Variants in SV2B observed in about 807,000 individuals in gnomAD.
SV2B encodes the protein synaptic vesicle glycoprotein 2B.
A neutral mutation model predicts 73.9 loss-of-function variants in SV2B; 41 were observed. The observed-to-expected ratio is 0.56, with a 90% confidence interval of 0.43 to 0.72. The LOEUF (loss-of-function observed/expected upper bound fraction) is 0.72. Among genes scored for constraint, SV2B ranks in the 30% least tolerant of loss-of-function variants. The pLI is 0.00. For synonymous variants in SV2B, 314 were observed against 314.2 expected, an observed-to-expected ratio of 1.00 and a Z score of 0.01; for missense variants, 764 against 857.8, an observed-to-expected ratio of 0.89 and a Z score of 1.37.
chr15:91,156,074 G>A (rs2043480817), intron 1 of SV2B, among the ~76,000 whole-genome samples: 1 of 152,078 alleles, frequency 6.6e-6, no homozygotes, highest in Admixed American at 6.6e-5. Flanking sequence ...ACAAGGAATG[G>A]AAAAGTGTTT....
chr15:91,278,118 G>C (rs1199209539), intron 9 of SV2B, among the ~76,000 whole-genome samples: 1 of 152,192 alleles, frequency 6.6e-6, no homozygotes, highest in Non-Finnish European at 1.5e-5. Flanking sequence ...TTCAGTATTT[G>C]AGGAAGTAAG....
intron 1 of SV2B, among the ~76,000 whole-genome samples, chr15:91,145,183 C>T (rs545109785): frequency 1.3e-5 from 2 of 152,202 alleles, no homozygotes; most frequent in East Asian, 3.9e-4. Context: ...TTCCCCCTCA[C>T]CCATGTGTCC....
chr15:91,181,841 T>C (rs914404494), intron 1 of SV2B, among the ~76,000 whole-genome samples: 1 of 151,814 alleles, frequency 6.6e-6, no homozygotes, highest in African/African-American at 2.4e-5. Flanking sequence ...ATTCACGGCA[T>C]CTGGTCTCTT....
chr15:91,172,919 C>G (rs2044174517), intron 1 of SV2B, among the ~76,000 whole-genome samples: 1 of 149,794 alleles, frequency 6.7e-6, no homozygotes, highest in East Asian at 1.9e-4. Flanking sequence ...AAGAGCCTGG[C>G]TTTCAGGGGC....
rs1007541653 is a variant in SV2B, at chr15:91,236,712, C to T, written c.451+9998C>T. Among the ~76,000 whole-genome samples, 1 of 152,160 alleles carries T rather than the reference C, an allele frequency of 6.6e-6. No homozygotes were observed. Among genetic ancestry groups the T allele is most frequent in the African/African-American group, 2.4e-5 (1 of 41,434 alleles). On this transcript the variant is annotated intron_variant, in intron 2 of 12. Coordinates refer to ENST00000394232, the MANE Select transcript of SV2B (RefSeq NM_001323032.3). This position sits in a 1 kb window ranked among gnomAD's most constrained non-coding sequence, Gnocchi z 4.1. ...AGAACCAAAACCTCCATGCCATTTA[C>T]TTTGCTTATAAATCTGCAGTCTGGG...
chr15:91,165,743 ACTT>A (rs1888977747), intron 1 of SV2B, among the ~76,000 whole-genome samples: 1 of 152,208 alleles, frequency 6.6e-6, no homozygotes, highest in South Asian at 2.1e-4. Context: ...TCACAGCACT[ACTT>A]CTTCCAAATT....
Position 91,217,444 on chromosome 15 carries a change from T to G in SV2B, c.-391-8429T>G, listed in dbSNP as rs750875515. ...TTGGGGGGAGGGGGAAGGGATAGCA[T>G]TAGGAGATATACCTAATGTAAGTGA... On this transcript the variant is annotated intron_variant, in intron 1 of 12. Transcript: ENST00000394232. 3.3e-4 allele frequency among the ~76,000 whole-genome samples: 50 copies of G among 152,080 alleles called. 1 individual carries two copies. Among genetic ancestry groups the G allele is most frequent in the Non-Finnish European group, 5.9e-4 (40 of 68,006 alleles).
rs1341495089 is a variant in SV2B at position 91,243,935 on chromosome 15, G to T, written c.452-7884G>T. Among the ~76,000 whole-genome samples, 6 of 152,120 alleles carry T rather than the reference G, an allele frequency of 3.9e-5. No homozygotes were observed. The East Asian group carries it at 1.2e-3, about 29-fold the overall frequency. The stretch of plus-strand genomic sequence containing the variant: ...GCTGTGGCTCGCCCTGAGCTGAGGG[G>T]CCAGGGCAAGTGAGAATGTTGCATC... On this transcript the variant is annotated intron_variant, in intron 2 of 12. Transcript: ENST00000394232.
At chr15:91,206,194 T>A (rs541915839) in intron 1 of SV2B, among the ~76,000 whole-genome samples, 2 of 149,506 alleles carry the variant, frequency 1.3e-5, no homozygotes, top group African/African-American at 4.9e-5. Context: ...CATGCCACCA[T>A]GCCTGGCTTT....
intron 1 of SV2B, among the ~76,000 whole-genome samples, chr15:91,182,411 G>T (rs1217097894): frequency 6.6e-6 from 1 of 152,106 alleles, no homozygotes; most frequent in Non-Finnish European, 1.5e-5. Flanking sequence ...CTAAAGAAAA[G>T]GTAGCTCAAA....
intron 6 of SV2B, among the ~76,000 whole-genome samples, chr15:91,264,753 A>G (rs1344133343): frequency 6.6e-6 from 1 of 152,198 alleles, no homozygotes; most frequent in Non-Finnish European, 1.5e-5. Context: ...TTACAACAGG[A>G]TCAGAGTTCC....
chr15:91,155,085 C>G (rs1286114274), intron 1 of SV2B, among the ~76,000 whole-genome samples: 1 of 152,154 alleles, frequency 6.6e-6, no homozygotes, highest in Non-Finnish European at 1.5e-5. Flanking sequence ...TGGCCCCATC[C>G]CTGGGACTCT....
In SV2B at chr15:91,252,531, G is replaced by T; in HGVS notation, c.784+11G>T. 1 of 1,590,832 alleles carries T rather than the reference G, an allele frequency of 6.3e-7. No individual in the cohort carries two copies. On this transcript the variant is annotated intron_variant, in intron 4 of 12. Transcript: ENST00000394232. This position sits in a 1 kb window ranked among gnomAD's most constrained non-coding sequence, Gnocchi z 4.6. Reference sequence around the variant, plus strand: ...TCATCCCACACTATGGTGAGTCATGGCTCCAAACAGCCTAGGGGGCCCTGT... The same window carrying T: ...TCATCCCACACTATGGTGAGTCATGTCTCCAAACAGCCTAGGGGGCCCTGT...
chr15:91,159,733 T>C (rs1373019438), intron 1 of SV2B, among the ~76,000 whole-genome samples: 1 of 152,188 alleles, frequency 6.6e-6, no homozygotes, highest in African/African-American at 2.4e-5. Flanking sequence ...GATTTGACTA[T>C]AAATATATCC....
intron 1 of SV2B, among the ~76,000 whole-genome samples, chr15:91,190,641 G>A (rs2044974079): frequency 6.6e-6 from 1 of 152,110 alleles, no homozygotes; most frequent in East Asian, 1.9e-4. Flanking sequence ...GACATATGTT[G>A]TAGGTTTCTG....
intron 1 of SV2B, among the ~76,000 whole-genome samples, chr15:91,201,436 T>C (rs2141385785): frequency 6.6e-6 from 1 of 152,356 alleles, no homozygotes; most frequent in South Asian, 2.1e-4. Flanking sequence ...AAGTACAGTG[T>C]CTTTCCCAAG....
intron 1 of SV2B, among the ~76,000 whole-genome samples, chr15:91,213,819 TA>T (rs1350163281): frequency 6.6e-6 from 1 of 152,172 alleles, no homozygotes; most frequent in African/African-American, 2.4e-5. Flanking sequence ...CTATTCCCTT[TA>T]AAGGCTCTGA....
In SV2B at chr15:91,241,481, T is replaced by A. The variant is rs1297040441; in HGVS notation, c.452-10338T>A. On this transcript the variant is annotated intron_variant, in intron 2 of 12. Coordinates refer to ENST00000394232, the MANE Select transcript of SV2B (RefSeq NM_001323032.3). The surrounding 1 kb of genome is among the most constrained non-coding windows in gnomAD (Gnocchi z 4.8). ...CAGCCATCATCCTTCATTTCCCTCA[T>A]CCCTTCACACTCTCCTTGATGGTTA... Among the ~76,000 whole-genome samples, 1 of 152,136 alleles carries A rather than the reference T, an allele frequency of 6.6e-6. No homozygotes were observed. Among genetic ancestry groups the A allele is most frequent in the African/African-American group, 2.4e-5 (1 of 41,428 alleles).
In SV2B at chr15:91,252,126, A is replaced by G; in HGVS notation, c.632+127A>G. Reference sequence around the variant, plus strand: ...TGAGTTTTTGTTTGACTTTCAGGATACTATATTAAAGTTGAACCTTAGAAA... The same window carrying G: ...TGAGTTTTTGTTTGACTTTCAGGATGCTATATTAAAGTTGAACCTTAGAAA... On this transcript the variant is annotated intron_variant, in intron 3 of 12. Coordinates refer to ENST00000394232, the MANE Select transcript of SV2B (RefSeq NM_001323032.3). The surrounding 1 kb of genome is among the most constrained non-coding windows in gnomAD (Gnocchi z 4.6). 1 of 1,301,120 alleles carries G rather than the reference A, an allele frequency of 7.7e-7. No homozygotes were observed. The highest frequency in any genetic ancestry group is 2.6e-5 in the Admixed American group (1 of 38,822). The allele number at this position is 1,301,120 out of a possible 1,614,324, so 80.6% of individuals were successfully genotyped here.
Sources: gnomAD v4.1 joint callset for allele counts (sites outside exome capture counted in the v4.1 genomes callset) on GRCh38, gnomAD v4.1.1 for gene constraint, Gnocchi (gnomAD v3.1) non-coding constraint, MANE v1.5 for transcripts, NCBI Gene and HGNC (gene_info 2026-07-23, HGNC 2026-07-21) for gene names.